FRK: variants seen among roughly 807,000 people sequenced by gnomAD.
The protein encoded by FRK is fyn related Src family tyrosine kinase.
FRK carries 51 observed loss-of-function variants against 56.4 expected under a neutral mutation model. The ratio of observed to expected loss-of-function variants is 0.90; its 90% confidence interval spans 0.72 to 1.14. The LOEUF (loss-of-function observed/expected upper bound fraction) is 1.14. FRK is among the 50% of genes most tolerant of loss of function. The pLI is 0.00. For missense variants in FRK, 570 were observed against 601.4 expected (o/e 0.95, Z 0.55); for synonymous variants, 245 against 217.9 (o/e 1.12, Z -1.10).
intron 1 of FRK, among the ~76,000 whole-genome samples, chr6:116,055,816 A>C (rs1044010791): frequency 1.3e-5 from 2 of 152,232 alleles, no homozygotes; most frequent in Non-Finnish European, 2.9e-5. Context: ...AAAAATGTGG[A>C]GCTTAATAAA....
At chr6:116,058,239 T>C (rs761900088) in intron 1 of FRK, among the ~76,000 whole-genome samples, 5 of 152,198 alleles carry the variant, frequency 3.3e-5, no homozygotes, top group Non-Finnish European at 5.9e-5. Flanking sequence ...CACATAAGTG[T>C]ATCCAATATA....
intron 2 of FRK, among the ~76,000 whole-genome samples, chr6:116,001,339 A>G (rs1040760486): frequency 1.3e-5 from 2 of 152,092 alleles, no homozygotes; most frequent in Non-Finnish European, 2.9e-5. Context: ...GTCTGTACAC[A>G]TGTGTGTATA....
chr6:116,055,898 G>A (rs940106034), intron 1 of FRK, among the ~76,000 whole-genome samples: 1 of 152,208 alleles, frequency 6.6e-6, no homozygotes, highest in Non-Finnish European at 1.5e-5. Context: ...TTTGAGAAGT[G>A]TATGGAGTCA....
rs1375707698 is a variant in FRK at position 115,956,465 on chromosome 6, T to C, written c.945A>G (p.Gln315=). The change falls in exon 5 of 8, where the codon CAA becomes CAG. Residue 315 remains glutamine, a synonymous_variant. Transcript: ENST00000606080. Reference sequence around the variant, plus strand: ...TCTTTAGCTTACTTTGGAGATATTCTTGCAGACTTCCATGTCTCATCAACT... The same window carrying C: ...TCTTTAGCTTACTTTGGAGATATTCCTGCAGACTTCCATGTCTCATCAACT... The part of the protein sequence containing the change: ...ITELMRHGSL[Q]EYLQNDTGSK... 4 of 1,536,512 alleles carry C rather than the reference T, an allele frequency of 2.6e-6. No homozygotes were observed. The highest frequency in any genetic ancestry group is 3.5e-6 in the Non-Finnish European group (4 of 1,141,750).
intron 1 of FRK, among the ~76,000 whole-genome samples, chr6:116,012,724 G>GT (rs1775517930): frequency 6.6e-6 from 1 of 152,172 alleles, no homozygotes; most frequent in South Asian, 2.1e-4. Context: ...TAATGCCTGT[G>GT]TTTTTGTGTA....
upstream of FRK, among the ~76,000 whole-genome samples, chr6:116,064,309 T>A (rs190465189): frequency 5.6e-4 from 85 of 152,326 alleles, 1 homozygote; most frequent in Non-Finnish European, 5.7e-4. Flanking sequence ...ACTTGGTTTG[T>A]GGTTGAGCCC....
At chr6:116,045,015 C>A (rs1245695401) in intron 1 of FRK, among the ~76,000 whole-genome samples, 5 of 152,122 alleles carry the variant, frequency 3.3e-5, no homozygotes, top group African/African-American at 9.7e-5. Context: ...CCTAGGAATA[C>A]AACTTACAAG....
chr6:115,997,228 G>T (rs1406863381), intron 2 of FRK, among the ~76,000 whole-genome samples: 1 of 152,116 alleles, frequency 6.6e-6, no homozygotes, highest in Non-Finnish European at 1.5e-5. Flanking sequence ...AGCAAAACAT[G>T]TATTTCGTTC....
intron 2 of FRK, among the ~76,000 whole-genome samples, chr6:115,988,903 T>C (rs1185604845): frequency 6.6e-6 from 1 of 151,984 alleles, no homozygotes; most frequent in East Asian, 1.9e-4. Flanking sequence ...TCAAGCCCAG[T>C]GAAAAGAAAG....
chr6:116,079,311 T>C, the FRK span, among the ~76,000 whole-genome samples: 1 of 152,152 alleles, frequency 6.6e-6, no homozygotes, highest in African/African-American at 2.4e-5. Flanking sequence ...ATTTTTCTGG[T>C]TTCCAGTGAT....
chr6:116,024,355 G>A (rs971331392), intron 1 of FRK, among the ~76,000 whole-genome samples: 40 of 151,142 alleles, frequency 2.6e-4, no homozygotes, highest in East Asian at 5.8e-4. Context: ...ATGCTGGTGC[G>A]CTGCACCCAC....
At chr6:116,051,846 T>TA (rs1777189568) in intron 1 of FRK, among the ~76,000 whole-genome samples, 1 of 152,136 alleles carries the variant, frequency 6.6e-6, no homozygotes, top group Non-Finnish European at 1.5e-5. Flanking sequence ...GAATGTACAG[T>TA]AAAAATCTAT....
chr6:116,006,895 GA>G (rs1236887871), intron 1 of FRK, among the ~76,000 whole-genome samples: 1 of 152,086 alleles, frequency 6.6e-6, no homozygotes, highest in Non-Finnish European at 1.5e-5. Flanking sequence ...GTTAAAGAAT[GA>G]AAAGAATGAT....
chr6:116,027,663 T>C (rs571525891), intron 1 of FRK, among the ~76,000 whole-genome samples: 1 of 152,062 alleles, frequency 6.6e-6, no homozygotes, highest in African/African-American at 2.4e-5. Context: ...AAGTAAGAAC[T>C]ATTCAAAAGT....
intron 1 of FRK, among the ~76,000 whole-genome samples, chr6:116,018,164 C>T (rs1775722070): frequency 1.3e-5 from 2 of 152,150 alleles, no homozygotes; most frequent in South Asian, 4.1e-4. Context: ...GATTTTACAA[C>T]AAAATTCTCC....
At chr6:116,057,422 G>C (rs182595035) in intron 1 of FRK, among the ~76,000 whole-genome samples, 1 of 152,162 alleles carries the variant, frequency 6.6e-6, no homozygotes, top group Non-Finnish European at 1.5e-5. Flanking sequence ...AGTAAAAATC[G>C]CTTCTATTTG....
At chr6:116,026,329 A>T (rs1311263417) in intron 1 of FRK, among the ~76,000 whole-genome samples, 1 of 152,160 alleles carries the variant, frequency 6.6e-6, no homozygotes, top group East Asian at 1.9e-4. Flanking sequence ...TAGAATCAAG[A>T]CTTCTGATTT....
At chr6:116,090,407 A>C in the FRK span, among the ~76,000 whole-genome samples, 2 of 152,242 alleles carry the variant, frequency 1.3e-5, no homozygotes, top group African/African-American at 4.8e-5. Flanking sequence ...CCCCCATCAT[A>C]GTACATACAT....
rs1189686106 is a variant in FRK at position 115,994,403 on chromosome 6, T to A, written c.466+9474A>T. Among the ~76,000 whole-genome samples, 21 of 141,330 alleles carry A rather than the reference T, an allele frequency of 1.5e-4. 1 individual carries two copies. The highest frequency in any genetic ancestry group is 7.6e-5 in the Non-Finnish European group (5 of 65,714). The allele number at this position is 141,330 out of a possible 152,430, so 92.7% of individuals were successfully genotyped here. A position where few individuals can be genotyped will look rare whatever the true frequency, so the allele number is the denominator to read the frequency against. ...CCTGGTACTTAGAAAAACATGTGCC[T>A]GTCCTCCTCGCTATGCATTTGGATG... On this transcript the variant is annotated intron_variant, in intron 2 of 7. Coordinates refer to ENST00000606080, the MANE Select transcript of FRK (RefSeq NM_002031.3).
Sources: gnomAD v4.1 joint callset for allele counts (sites outside exome capture counted in the v4.1 genomes callset) on GRCh38, gnomAD v4.1.1 for gene constraint, MANE v1.5 for transcripts, NCBI Gene and HGNC (gene_info 2026-07-23, HGNC 2026-07-21) for gene names.